Variants in DPF2 observed in about 807,000 individuals in gnomAD.
DPF2 encodes zinc finger protein ubi-d4.
DPF2 carries 10 observed loss-of-function variants against 59.6 expected under a neutral mutation model. The observed-to-expected ratio is 0.17, with a 90% CI of 0.10 to 0.28. The LOEUF (loss-of-function observed/expected upper bound fraction) is 0.28. DPF2 is among the 10% of genes least tolerant of loss of function. The probability of loss-of-function intolerance (pLI) is 1.00; values close to 1 mark genes in which losing one functional copy is unlikely to be tolerated. For missense variants in DPF2, 315 were observed against 509.4 expected, an observed-to-expected ratio of 0.62 and a Z score of 3.67; for synonymous variants, 189 against 190.6, an observed-to-expected ratio of 0.99 and a Z score of 0.07.
intron 9 of DPF2, 80 bp from the exon 10 acceptor site, chr11:65,348,770 T>C (rs2137710709): frequency 7.0e-7 from 1 of 1,437,036 alleles, no homozygotes; most frequent in Non-Finnish European, 9.8e-7. Flanking sequence ...CCTACCCCTC[T>C]TGGAAATAGC....
chr11:65,345,751 G>C lies in DPF2; in HGVS notation c.723G>C (p.Lys241Asn). 1 of 1,614,146 alleles carries C rather than the reference G, an allele frequency of 6.2e-7. No homozygotes were observed. The change falls in exon 7 of 11, where the codon AAG becomes AAC. Residue 241 changes from lysine to asparagine, a missense_variant. This residue lies in a region of DPF2 where 58 missense variants were observed against 84.6 expected (regional missense o/e 0.69). Coordinates refer to ENST00000528416, the MANE Select transcript of DPF2 (RefSeq NM_006268.5). ...SHLAEEEGED[K>N]EDSQPPTPVS... ...TGGCTGAGGAGGAGGGCGAGGACAA[G>C]GAAGACTCTCAACCACCCACTCCTG...
At chr11:65,340,653 C>A in intron 2 of DPF2, 108 bp downstream of exon 2, 1 of 1,441,578 alleles carries the variant, frequency 6.9e-7, no homozygotes, top group East Asian at 2.3e-5. Flanking sequence ...TGCCTTCCAC[C>A]TATGGATGAA....
intron 1 of DPF2, among the ~76,000 whole-genome samples, chr11:65,335,081 T>TTG (rs962669075): frequency 2.0e-5 from 3 of 150,516 alleles, no homozygotes; most frequent in African/African-American, 4.9e-5. Flanking sequence ...TGTGGTTTGT[T>TTG]TTTTTTTTTT....
intron 9 of DPF2, chr11:65,347,559 C>T (rs1437144055): frequency 6.6e-6 from 1 of 152,060 alleles, no homozygotes; most frequent in East Asian, 1.9e-4. Context: ...GTCTCAAACT[C>T]CTGAGCTCAA....
At position 65,354,139 on chromosome 11, in the gene DPF2, G is replaced by A. The variant is rs993232740; in HGVS notation, c.*2380G>A. ...AGGCTGGAGAGCAGCTGGGCTGCGGGTCAAGACGTCTGCGTTTAATTCGGG... is the reference window on the plus strand; with the variant it reads ...AGGCTGGAGAGCAGCTGGGCTGCGGATCAAGACGTCTGCGTTTAATTCGGG... On this transcript the variant is annotated 3_prime_UTR_variant, in exon 11 of 11. Coordinates refer to ENST00000528416, the MANE Select transcript of DPF2 (RefSeq NM_006268.5). Among the ~76,000 whole-genome samples the A allele has an allele frequency of 2.0e-5, 3 of 152,234 alleles. No homozygotes were observed. Among genetic ancestry groups the A allele is most frequent in the Non-Finnish European group, 4.4e-5 (3 of 68,040 alleles).
chr11:65,340,905 G>T (rs1854347906), intron 2 of DPF2, 61 bp from the exon 3 acceptor site: 1 of 1,503,548 alleles, frequency 6.7e-7, no homozygotes, highest in African/African-American at 1.4e-5. Flanking sequence ...ATTAGAAAGT[G>T]TTTGGTATTA....
intron 9 of DPF2, chr11:65,348,611 G>GGAA: frequency 3.8e-5 from 9 of 239,456 alleles, no homozygotes; most frequent in South Asian, 2.5e-4. Context: ...GGGCTTTAGG[G>GGAA]AAAAAAAAAA....
rs1352782144 is a variant in DPF2, at chr11:65,353,684, T to A, written c.*1925T>A. On this transcript the variant is annotated 3_prime_UTR_variant, in exon 11 of 11. Transcript: ENST00000528416. ...TATGTTTTTAAAGGAAAGATTTGAA[T>A]CAAGCAGTTATGGGCCCCCTGAAGT... Among the ~76,000 whole-genome samples the A allele has an allele frequency of 6.6e-6, 1 of 152,230 alleles. No homozygotes were observed. The highest frequency in any genetic ancestry group is 1.5e-5 in the Non-Finnish European group (1 of 68,046).
intron 7 of DPF2, 32 bp from the exon 8 acceptor site, chr11:65,345,898 A>G (rs2137703519): frequency 6.2e-7 from 1 of 1,613,724 alleles, no homozygotes; most frequent in East Asian, 2.2e-5. Context: ...AGGGACCCCC[A>G]TGGGTGTCAT....
intron 4 of DPF2, 158 bp downstream of exon 4, chr11:65,341,720 C>T: frequency 1.0e-6 from 1 of 969,800 alleles, no homozygotes; most frequent in East Asian, 2.6e-5. Context: ...TTGTCAGGTA[C>T]TGACTGGCTT....
At chr11:65,333,987 G>A in intron 1 of DPF2, 69 bp downstream of exon 1, 2 of 1,588,154 alleles carry the variant, frequency 1.3e-6, no homozygotes, top group Non-Finnish European at 1.7e-6. Context: ...GGGGGCGGTG[G>A]GGGAAGGGAC....
At position 65,353,701 on chromosome 11, in the gene DPF2, C is replaced by T. The variant is rs534083815; in HGVS notation, c.*1942C>T. Reference sequence around the variant, plus strand: ...GATTTGAATCAAGCAGTTATGGGCCCCCTGAAGTATCCTTTTTTCTAGAAC... The same window carrying T: ...GATTTGAATCAAGCAGTTATGGGCCTCCTGAAGTATCCTTTTTTCTAGAAC... On this transcript the variant is annotated 3_prime_UTR_variant, in exon 11 of 11. Transcript: ENST00000528416. Among the ~76,000 whole-genome samples the T allele has an allele frequency of 2.6e-5, 4 of 152,314 alleles. No homozygotes were observed. In the South Asian group the frequency reaches 6.2e-4, roughly 24 times the overall value.
At chr11:65,337,494 TATATATATATAGAG>T (rs1276490446) in intron 1 of DPF2, among the ~76,000 whole-genome samples, 452 of 62,544 alleles carry the variant, frequency 7.2e-3, no homozygotes, top group East Asian at 9.8e-3. Context: ...TATATATATA[TATATATATATAGAG>T]AGAGAGAGAG....
intron 1 of DPF2, among the ~76,000 whole-genome samples, chr11:65,337,639 T>C (rs892946760): frequency 1.3e-5 from 2 of 151,064 alleles, no homozygotes; most frequent in South Asian, 2.1e-4. Context: ...AGCCTCCCTC[T>C]GTCCCCCAGG....
intron 1 of DPF2, among the ~76,000 whole-genome samples, chr11:65,336,117 A>G (rs1950092406): frequency 6.6e-6 from 1 of 151,464 alleles, no homozygotes; most frequent in Admixed American, 6.6e-5. Context: ...CCGGCCCCTC[A>G]TCTTGTATGA....
At chr11:65,350,061 TG>T (rs1854647854) in intron 10 of DPF2, among the ~76,000 whole-genome samples, 1 of 152,182 alleles carries the variant, frequency 6.6e-6, no homozygotes, top group Admixed American at 6.5e-5. Flanking sequence ...GAATCTGCTT[TG>T]GGGAGAAGTC....
chr11:65,354,126 A>T lies in DPF2; in HGVS notation c.*2367A>T, dbSNP rs1854799009. Among the ~76,000 whole-genome samples, 1 of 152,212 alleles carries T rather than the reference A, an allele frequency of 6.6e-6. No individual in the cohort carries two copies. Among genetic ancestry groups the T allele is most frequent in the Non-Finnish European group, 1.5e-5 (1 of 68,038 alleles). On this transcript the variant is annotated 3_prime_UTR_variant, in exon 11 of 11. Coordinates refer to ENST00000528416, the MANE Select transcript of DPF2 (RefSeq NM_006268.5). ...GGAGGGAGCAGCGAGGCTGGAGAGC[A>T]GCTGGGCTGCGGGTCAAGACGTCTG... is the stretch of plus-strand genomic sequence containing the variant.
At chr11:65,341,591 G>T (rs368684909) in intron 4 of DPF2, 29 bp downstream of exon 4, 1 of 1,609,196 alleles carries the variant, frequency 6.2e-7, no homozygotes, top group African/African-American at 1.3e-5. Flanking sequence ...GGCTAAGGGA[G>T]CTTTGATGGA....
At chr11:65,337,378 A>T (rs527855720) in intron 1 of DPF2, among the ~76,000 whole-genome samples, 1,551 of 142,726 alleles carry the variant, frequency 0.011, 18 homozygotes, top group Non-Finnish European at 0.017. Flanking sequence ...CAGAAGCTGC[A>T]GTAGGCAGAA....
Sources: gnomAD v4.1 joint callset for allele counts (sites outside exome capture counted in the v4.1 genomes callset) on GRCh38, gnomAD v4.1.1 for gene constraint, gnomAD v4.1.1 regional missense constraint, MANE v1.5 for transcripts, NCBI Gene and HGNC (gene_info 2026-07-23, HGNC 2026-07-21) for gene names.